The following MGAT4C variants were observed in gnomAD, a reference collection of about 807,000 sequenced individuals.
MGAT4C encodes the protein MGAT4 family member C, also known as alpha-1,3-mannosyl-glycoprotein 4-beta-N-acetylglucosaminyltransferase C.
A neutral mutation model predicts 40.1 loss-of-function variants in MGAT4C; 19 were observed. The observed-to-expected ratio is 0.47, with a 90% CI of 0.33 to 0.70. The LOEUF (loss-of-function observed/expected upper bound fraction) is 0.70. MGAT4C is among the 30% of genes least tolerant of loss of function. The pLI is 0.02. For missense variants in MGAT4C, 491 were observed against 563.2 expected (o/e 0.87, Z 1.30); for synonymous variants, 181 against 187.1 (o/e 0.97, Z 0.27).
intron 2 of MGAT4C, among the ~76,000 whole-genome samples, chr12:86,541,088 A>G (rs1592967727): frequency 6.6e-6 from 1 of 152,188 alleles, no homozygotes; most frequent in Non-Finnish European, 1.5e-5. Context: ...TGGTAACACT[A>G]AAGGTCTAAG....
chr12:86,241,122 C>T (rs1001249381), intron 1 of MGAT4C, among the ~76,000 whole-genome samples: 2 of 152,108 alleles, frequency 1.3e-5, no homozygotes, highest in Non-Finnish European at 2.9e-5. Flanking sequence ...TCTGGGGGTA[C>T]ATAATATCCA....
At chr12:86,302,994 C>T (rs1953852153) in intron 4 of MGAT4C, among the ~76,000 whole-genome samples, 1 of 150,622 alleles carries the variant, frequency 6.6e-6, no homozygotes, top group Non-Finnish European at 1.5e-5. Flanking sequence ...TTTGTGAAGA[C>T]ATGAGGTTCT....
intron 2 of MGAT4C, among the ~76,000 whole-genome samples, chr12:86,575,910 G>A (rs528246130): frequency 2.6e-5 from 4 of 151,750 alleles, no homozygotes; most frequent in African/African-American, 9.7e-5. Context: ...CCTCTAAACT[G>A]TTCTCCATAG....
intron 1 of MGAT4C, among the ~76,000 whole-genome samples, chr12:86,070,988 G>T (rs61931139): frequency 0.078 from 11,792 of 152,054 alleles, 624 homozygotes; most frequent in Middle Eastern, 0.23. Flanking sequence ...CTAAATTGCA[G>T]CTAAAGCAGA....
chr12:86,149,755 C>T (rs1884033273), intron 1 of MGAT4C, among the ~76,000 whole-genome samples: 2 of 152,114 alleles, frequency 1.3e-5, no homozygotes, highest in African/African-American at 4.8e-5. Context: ...ACATGACTTA[C>T]AGTTATTTGA....
intron 2 of MGAT4C, among the ~76,000 whole-genome samples, chr12:86,554,427 T>C (rs965623401): frequency 1.3e-5 from 2 of 152,164 alleles, no homozygotes; most frequent in African/African-American, 4.8e-5. Flanking sequence ...TGAAATTAAC[T>C]CATTTTTTGT....
rs370249027 is a variant in MGAT4C, at chr12:86,031,882, C to T, written c.-7+17792G>A. ...CATTACCCAGGTAATACGCATAGTA[C>T]CTGATAGGTAGTTTTTTGATCCTCA... On this transcript the variant is annotated intron_variant, in intron 2 of 4. Transcript: ENST00000611864. 1.6e-3 allele frequency among the ~76,000 whole-genome samples: 245 copies of T among 151,840 alleles called. 1 individual carries two copies. The highest frequency in any genetic ancestry group is 2.2e-3 in the Non-Finnish European group (149 of 67,828).
chr12:86,172,764 T>G (rs1886988692), intron 1 of MGAT4C, among the ~76,000 whole-genome samples: 1 of 152,120 alleles, frequency 6.6e-6, no homozygotes, highest in African/African-American at 2.4e-5. Context: ...AGCACTTAAT[T>G]TTTTTAGATT....
At chr12:86,278,759 G>A (rs1390048940) in intron 4 of MGAT4C, among the ~76,000 whole-genome samples, 4 of 151,934 alleles carry the variant, frequency 2.6e-5, no homozygotes, top group Non-Finnish European at 5.9e-5. Flanking sequence ...GTCAAAGTGG[G>A]CATCCTTGGC....
At chr12:86,048,259 T>G (rs1892585804) in intron 2 of MGAT4C, among the ~76,000 whole-genome samples, 1 of 151,934 alleles carries the variant, frequency 6.6e-6, no homozygotes, top group Admixed American at 6.6e-5. Flanking sequence ...GGCTAAACAC[T>G]GAGTACACAT....
chr12:86,381,931 C>G (rs536443226), intron 3 of MGAT4C, among the ~76,000 whole-genome samples: 3 of 152,294 alleles, frequency 2.0e-5, no homozygotes, highest in South Asian at 2.1e-4. Flanking sequence ...GTGAGACATG[C>G]CTTTCACCTT....
chr12:86,498,450 A>G (rs999974652), intron 2 of MGAT4C, among the ~76,000 whole-genome samples: 1 of 151,970 alleles, frequency 6.6e-6, no homozygotes, highest in Admixed American at 6.6e-5. Context: ...GCATGAAAAC[A>G]TAAAATATAT....
chr12:86,633,536 C>A (rs1963127328), intron 2 of MGAT4C, among the ~76,000 whole-genome samples: 1 of 152,070 alleles, frequency 6.6e-6, no homozygotes, highest in Admixed American at 6.6e-5. Context: ...ACAATTTAAT[C>A]TGACTATACC....
intron 1 of MGAT4C, among the ~76,000 whole-genome samples, chr12:86,240,787 T>G (rs1951751560): frequency 6.6e-6 from 1 of 152,162 alleles, no homozygotes; most frequent in East Asian, 1.9e-4. Flanking sequence ...TCAACATATT[T>G]AATATTGATA....
intron 2 of MGAT4C, among the ~76,000 whole-genome samples, chr12:86,483,912 A>G (rs1020935711): frequency 6.6e-6 from 1 of 150,536 alleles, no homozygotes; most frequent in South Asian, 2.1e-4. Flanking sequence ...TATTTTAAAC[A>G]AATATTTAGA....
rs76079028 is a variant in MGAT4C, at chr12:86,142,312, A to C, written c.-56-92589T>G. Among the ~76,000 whole-genome samples the C allele has an allele frequency of 7.2e-4, 110 of 152,238 alleles. 1 individual carries two copies. In the East Asian group the frequency reaches 0.019, roughly 26 times the overall value. On this transcript the variant is annotated intron_variant, in intron 1 of 4. Transcript: ENST00000611864. Reference sequence around the variant, plus strand: ...GCACACATGTGCAGGTTAAAGATGGAGCTTCCTGCCTAGGTTCTCAGCTGT... The same window carrying C: ...GCACACATGTGCAGGTTAAAGATGGCGCTTCCTGCCTAGGTTCTCAGCTGT...
chr12:86,025,520 A>G (rs1288138178), intron 2 of MGAT4C, among the ~76,000 whole-genome samples: 1 of 151,842 alleles, frequency 6.6e-6, no homozygotes, highest in African/African-American at 2.4e-5. Flanking sequence ...TTAAAAATTT[A>G]TCCATTGTTG....
intron 2 of MGAT4C, among the ~76,000 whole-genome samples, chr12:86,708,045 C>A (rs558407772): frequency 6.6e-6 from 1 of 152,282 alleles, no homozygotes; most frequent in Admixed American, 6.5e-5. Context: ...ATCCCCAAGA[C>A]CATGGGAGAA....
upstream of MGAT4C, among the ~76,000 whole-genome samples, chr12:86,260,015 T>C (rs1170454667): frequency 7.4e-6 from 1 of 134,612 alleles, no homozygotes; most frequent in East Asian, 2.2e-4. Context: ...GGCATTTTAC[T>C]ATTCATTAGC....
Sources: allele counts gnomAD v4.1 joint callset (sites outside exome capture counted in the v4.1 genomes callset), GRCh38; gene constraint gnomAD v4.1.1; transcripts MANE v1.5; gene names NCBI Gene and HGNC (gene_info 2026-07-23, HGNC 2026-07-21).